Variants in ACACA observed in about 807,000 individuals in gnomAD.
The protein encoded by ACACA is acetyl-CoA carboxylase 1.
A neutral mutation model predicts 296.1 loss-of-function variants in ACACA; 103 were observed. That is an observed-to-expected ratio of 0.35 (90% CI 0.30 to 0.41). The LOEUF is 0.41. ACACA is among the 10% of genes least tolerant of loss of function. The pLI is 1.00. For synonymous variants in ACACA, 953 were observed against 1,038.6 expected, an observed-to-expected ratio of 0.92 and a Z score of 1.58; for missense variants, 1,554 against 2,989.7, an observed-to-expected ratio of 0.52 and a Z score of 11.20.
At position 37,272,564 on chromosome 17, in the gene ACACA, T is replaced by TA. The variant is rs972006233; in HGVS notation, c.1008+1628dup. Among the ~76,000 whole-genome samples, 189 of 146,408 alleles carry TA rather than the reference T, an allele frequency of 1.3e-3. 1 individual carries two copies. The highest frequency in any genetic ancestry group is 3.4e-3 in the Middle Eastern group (1 of 290). On this transcript the variant is annotated intron_variant, in intron 9 of 55. Coordinates refer to ENST00000616317, the MANE Select transcript of ACACA (RefSeq NM_198834.3). ...ATAGCTTAAAAAAAAGAGAAAGACT[T>TA]AAAAAAAAAAGGGGGTATCCCATAG...
intron 35 of ACACA, 151 bp from the exon 36 acceptor site, chr17:37,193,566 G>T: frequency 1.7e-6 from 1 of 580,744 alleles, no homozygotes; most frequent in Non-Finnish European, 3.1e-6. Flanking sequence ...ATATATGAAT[G>T]ATCCTCCGCA....
intron 3 of ACACA, among the ~76,000 whole-genome samples, chr17:37,320,510 CA>C (rs879337642): frequency 1.5e-3 from 200 of 131,298 alleles, no homozygotes; most frequent in Non-Finnish European, 1.3e-3. Flanking sequence ...GACTTCATCT[CA>C]AAAAAAAAAA....
In ACACA at chr17:37,243,478, T is replaced by C. The variant is rs376394653; in HGVS notation, c.2824A>G (p.Ser942Gly). The change falls in exon 22 of 56, where the codon AGT becomes GGT. Residue 942 changes from serine (S) to glycine (G), a missense_variant. Physicochemically the swap from Ser to Gly is moderately conservative, Grantham distance 56. This residue lies in a region of ACACA where 316 missense variants were observed against 540.9 expected (regional missense o/e 0.58). Transcript: ENST00000616317. The part of the protein sequence containing the change: ...PLLELQDIMT[S>G]VSGRIPPNVE... ...TTGGGGGGAATGCGGCCAGACACAC[T>C]GGTCATAATATCTTGCAATTCTAGG... 87 of 1,614,050 alleles carry C rather than the reference T, an allele frequency of 5.4e-5. No homozygotes were observed. Among genetic ancestry groups the C allele is most frequent in the Middle Eastern group, 1.6e-4 (1 of 6,084 alleles).
chr17:37,090,944 T>G (rs2072584869), intron 54 of ACACA, among the ~76,000 whole-genome samples: 1 of 151,638 alleles, frequency 6.6e-6, no homozygotes, highest in South Asian at 2.1e-4. Context: ...AACCCCAAGA[T>G]TTTTAGATTT....
intron 10 of ACACA, among the ~76,000 whole-genome samples, chr17:37,268,725 C>CTATATA (rs1391160604): frequency 5.8e-4 from 65 of 111,578 alleles, no homozygotes; most frequent in African/African-American, 2.0e-3. Flanking sequence ...ATCTATCTAT[C>CTATATA]TATCTATCTA....
intron 54 of ACACA, 70 bp downstream of exon 54, chr17:37,096,926 G>T: frequency 6.3e-7 from 1 of 1,589,222 alleles, no homozygotes; most frequent in Non-Finnish European, 8.6e-7. Context: ...CTCTTTGCTG[G>T]CGAGACTTGC....
At chr17:37,381,338 A>G (rs2050248677) in intron 1 of ACACA, among the ~76,000 whole-genome samples, 1 of 151,824 alleles carries the variant, frequency 6.6e-6, no homozygotes, top group Admixed American at 6.6e-5. Context: ...GGTGCCCACC[A>G]CCACACCCAG....
chr17:37,335,148 T>C (rs1347695639), intron 2 of ACACA, among the ~76,000 whole-genome samples: 2 of 152,088 alleles, frequency 1.3e-5, no homozygotes, highest in Non-Finnish European at 2.9e-5. Context: ...AAACCCTCCA[T>C]ACCCATACTG....
In ACACA at chr17:37,234,959, G is replaced by A; in HGVS notation, c.3246+16C>T. ...ATCATTGACGGTCTTTACAAGTTCT[G>A]AAAAATGGTACTCACAATAAGCATT... On this transcript the variant is annotated intron_variant, in intron 25 of 55. Transcript: ENST00000616317. The A allele has an allele frequency of 1.2e-6, 2 of 1,613,650 alleles. No homozygotes were observed. Among genetic ancestry groups the A allele is most frequent in the Non-Finnish European group, 1.7e-6 (2 of 1,179,862 alleles).
At chr17:37,239,246 A>C (rs1173611132) in intron 24 of ACACA, among the ~76,000 whole-genome samples, 1 of 152,228 alleles carries the variant, frequency 6.6e-6, no homozygotes, top group Non-Finnish European at 1.5e-5. Context: ...TAGATTTTAA[A>C]TAATTTAATA....
At chr17:37,102,394 T>C (rs2073418645) in intron 52 of ACACA, among the ~76,000 whole-genome samples, 1 of 151,988 alleles carries the variant, frequency 6.6e-6, no homozygotes, top group African/African-American at 2.4e-5. Flanking sequence ...TCATAGAGAT[T>C]TGGTTTTACC....
intron 11 of ACACA, among the ~76,000 whole-genome samples, chr17:37,262,604 C>T (rs1477105178): frequency 9.2e-5 from 14 of 152,140 alleles, no homozygotes; most frequent in Admixed American, 9.2e-4. Flanking sequence ...TGTGTTCCAA[C>T]AAAATTTTAT....
chr17:37,112,627 T>A (rs2074038423), intron 51 of ACACA, among the ~76,000 whole-genome samples: 1 of 152,038 alleles, frequency 6.6e-6, no homozygotes, highest in South Asian at 2.1e-4. Context: ...AGCCTAGAGG[T>A]TTGACAGTGA....
intron 1 of ACACA, chr17:37,378,993 T>C: frequency 1.0e-6 from 1 of 992,056 alleles, no homozygotes; most frequent in East Asian, 2.6e-5. Context: ...TGCTTGGAGA[T>C]CGAGGGAGTT....
intron 3 of ACACA, among the ~76,000 whole-genome samples, chr17:37,318,383 C>T (rs1360824402): frequency 6.6e-6 from 1 of 152,180 alleles, no homozygotes; most frequent in Non-Finnish European, 1.5e-5. Context: ...GTTGGGATTA[C>T]AGGTGCTCGC....
Position 37,259,534 on chromosome 17 carries a change from AAAG to A in ACACA, c.1330-7_1330-5del. 2 of 1,614,156 alleles carry A rather than the reference AAAG, an allele frequency of 1.2e-6. No individual in the cohort carries two copies. Among genetic ancestry groups the A allele is most frequent in the Non-Finnish European group, 1.7e-6 (2 of 1,179,980 alleles). ...TTTTGGCAAGTTTCACCGCACACTC[AAAG>A]AAGAGAGATAAGCAAACATAAGTAT... On this transcript the variant is annotated splice_polypyrimidine_tract_variant and splice_region_variant and intron_variant, in intron 11 of 55. Coordinates refer to ENST00000616317, the MANE Select transcript of ACACA (RefSeq NM_198834.3).
chr17:37,299,462 TTCAG>T, intron 3 of ACACA: 2 of 1,566,964 alleles, frequency 1.3e-6, no homozygotes, highest in Non-Finnish European at 1.7e-6. Context: ...TCTGCCTGGC[TTCAG>T]TCAGACTAGA....
At chr17:37,155,049 T>C (rs2076184462) in intron 43 of ACACA, among the ~76,000 whole-genome samples, 1 of 152,158 alleles carries the variant, frequency 6.6e-6, no homozygotes, top group South Asian at 2.1e-4. Context: ...AAATTGACTT[T>C]TCGACCTGCA....
intron 41 of ACACA, among the ~76,000 whole-genome samples, chr17:37,167,119 ATTTTTTTTT>A: frequency 9.9e-6 from 1 of 101,322 alleles, no homozygotes; most frequent in East Asian, 2.6e-4. Flanking sequence ...TAATTTTTGC[ATTTTTTTTT>A]TTTTTTTTTT....
Sources: gnomAD v4.1 joint callset for allele counts (sites outside exome capture counted in the v4.1 genomes callset) on GRCh38, gnomAD v4.1.1 for gene constraint, gnomAD v4.1.1 regional missense constraint, MANE v1.5 for transcripts, NCBI Gene and HGNC (gene_info 2026-07-23, HGNC 2026-07-21) for gene names.